Variants in SLIT3 observed in about 807,000 individuals in gnomAD.
SLIT3 encodes slit homolog 3 protein.
In SLIT3, 68 loss-of-function variants were observed where a neutral mutation model predicts 184.0. The observed-to-expected ratio is 0.37, with a 90% confidence interval of 0.30 to 0.45. The LOEUF (loss-of-function observed/expected upper bound fraction) is 0.45. Ranked by LOEUF, SLIT3 falls within the 20% of genes least tolerant of loss-of-function variation. SLIT3 has a pLI of 1.00. For missense variants in SLIT3, 1,707 were observed against 2,026.0 expected, an observed-to-expected ratio of 0.84 and a Z score of 3.02; for synonymous variants, 831 against 828.6, an observed-to-expected ratio of 1.00 and a Z score of -0.05.
At chr5:169,095,124 G>A (rs919606665) in intron 4 of SLIT3, among the ~76,000 whole-genome samples, 6 of 152,152 alleles carry the variant, frequency 3.9e-5, no homozygotes, top group South Asian at 4.1e-4. Context: ...CCTATTTCCC[G>A]TTTCTGCCAA....
chr5:168,781,065 T>C (rs776814786), intron 12 of SLIT3, among the ~76,000 whole-genome samples: 1 of 152,196 alleles, frequency 6.6e-6, no homozygotes, highest in African/African-American at 2.4e-5. Flanking sequence ...TGCTTGTCAA[T>C]GGCTGTGGGT....
intron 4 of SLIT3, among the ~76,000 whole-genome samples, chr5:169,035,270 G>A (rs1291536441): frequency 2.0e-5 from 3 of 152,142 alleles, no homozygotes; most frequent in African/African-American, 2.4e-5. Flanking sequence ...AATATTAACA[G>A]TAGTAGTAAG....
At chr5:168,773,731 T>C (rs1219354948) in intron 13 of SLIT3, among the ~76,000 whole-genome samples, 2 of 152,140 alleles carry the variant, frequency 1.3e-5, no homozygotes, top group Admixed American at 6.5e-5. Flanking sequence ...AGTGAGGATA[T>C]ACTTCCCATA....
At chr5:169,193,690 C>A in intron 3 of SLIT3, 140 bp from the exon 4 acceptor site, 1 of 731,372 alleles carries the variant, frequency 1.4e-6, no homozygotes, top group African/African-American at 1.7e-5. Context: ...GGCTGCTCAA[C>A]ACATGTAAGG....
rs975976077 is a variant in SLIT3, at chr5:168,931,435, G to A, written c.414-48099C>T. 3.9e-5 allele frequency among the ~76,000 whole-genome samples: 6 copies of A among 152,154 alleles called. No homozygotes were observed. In the East Asian group the frequency reaches 5.8e-4, roughly 15 times the overall value. Reference sequence around the variant, plus strand: ...GCAAGACACTGTGGGAGTATCTGGGGATTCAGGGGTGAGCAAAAGAGAGAC... The same window carrying A: ...GCAAGACACTGTGGGAGTATCTGGGAATTCAGGGGTGAGCAAAAGAGAGAC... On this transcript the variant is annotated intron_variant, in intron 4 of 35. Transcript: ENST00000519560.
In SLIT3 at chr5:168,663,048, G is replaced by A. The variant is rs1309560618; in HGVS notation, c.*3406C>T. ...AAGGGACAGACCTGGCCCTTTTGCTGTCTTGGTTGATGGGGGCTGGATTCA... is the reference window on the plus strand; with the variant it reads ...AAGGGACAGACCTGGCCCTTTTGCTATCTTGGTTGATGGGGGCTGGATTCA... On this transcript the variant is annotated 3_prime_UTR_variant, in exon 36 of 36. Coordinates refer to ENST00000519560, the MANE Select transcript of SLIT3 (RefSeq NM_003062.4). 1 of 152,390 alleles carries A rather than the reference G, an allele frequency of 6.6e-6. No homozygotes were observed. The highest frequency in any genetic ancestry group is 1.5e-5 in the Non-Finnish European group (1 of 68,076). The allele number at this position is 152,390 out of a possible 1,614,324, so 9.4% of individuals were successfully genotyped here. A position where few individuals can be genotyped will look rare whatever the true frequency, so the allele number is the denominator to read the frequency against.
chr5:169,084,454 A>ATTTTTTTTTTTTT (rs56062027), intron 4 of SLIT3, among the ~76,000 whole-genome samples: 18 of 101,416 alleles, frequency 1.8e-4, no homozygotes, highest in Admixed American at 3.2e-4. Context: ...CCATGCCCAG[A>ATTTTTTTTTTTTT]TTTTTTTTTT....
chr5:169,146,319 T>C (rs1761923325), intron 4 of SLIT3, among the ~76,000 whole-genome samples: 1 of 152,234 alleles, frequency 6.6e-6, no homozygotes. Context: ...CTGGTGATGT[T>C]GCAAAATAAT....
intron 19 of SLIT3, among the ~76,000 whole-genome samples, 154 bp from the exon 20 acceptor site, chr5:168,748,588 G>A (rs912715818): frequency 5.3e-5 from 8 of 152,234 alleles, no homozygotes; most frequent in Admixed American, 2.6e-4. Flanking sequence ...GGTCTCATCC[G>A]TGGTTGGCGG....
intron 4 of SLIT3, among the ~76,000 whole-genome samples, chr5:169,053,875 G>C (rs1479497881): frequency 6.6e-6 from 1 of 152,098 alleles, no homozygotes; most frequent in Non-Finnish European, 1.5e-5. Context: ...ATCACCTCAG[G>C]TCAGGAGTTT....
intron 3 of SLIT3, among the ~76,000 whole-genome samples, chr5:169,194,493 C>T (rs1763679315): frequency 6.6e-6 from 1 of 152,072 alleles, no homozygotes; most frequent in African/African-American, 2.4e-5. Flanking sequence ...CTGCTTTCTA[C>T]ATCAAATTTT....
chr5:168,873,317 C>G (rs1243886952), intron 5 of SLIT3, among the ~76,000 whole-genome samples: 1 of 152,082 alleles, frequency 6.6e-6, no homozygotes, highest in Non-Finnish European at 1.5e-5. Context: ...TCCTGCAAGA[C>G]TGTTGCAGTA....
intron 2 of SLIT3, among the ~76,000 whole-genome samples, chr5:169,248,809 C>G (rs1036232977): frequency 6.6e-6 from 1 of 152,092 alleles, no homozygotes; most frequent in South Asian, 2.1e-4. Flanking sequence ...CCAGAAGAGA[C>G]TTTTTCCTAC....
chr5:169,075,161 C>T (rs952877745), intron 4 of SLIT3, among the ~76,000 whole-genome samples: 1 of 151,720 alleles, frequency 6.6e-6, no homozygotes, highest in Admixed American at 6.6e-5. Flanking sequence ...TGATTGTCTT[C>T]TCCTTGTTCT....
intron 4 of SLIT3, among the ~76,000 whole-genome samples, chr5:169,094,139 G>A (rs1229333449): frequency 6.6e-6 from 1 of 152,178 alleles, no homozygotes; most frequent in Non-Finnish European, 1.5e-5. Flanking sequence ...GTTGGAGCCA[G>A]GATTTGAGTC....
chr5:169,036,101 G>A (rs575062015), intron 4 of SLIT3: 1 of 152,294 alleles, frequency 6.6e-6, no homozygotes, highest in South Asian at 2.1e-4. Flanking sequence ...TCTCATTTGA[G>A]TTGCAAAAAT....
At chr5:168,841,190 G>T (rs1293199574) in intron 6 of SLIT3, among the ~76,000 whole-genome samples, 1 of 152,206 alleles carries the variant, frequency 6.6e-6, no homozygotes, top group African/African-American at 2.4e-5. Flanking sequence ...TGGTAGAATG[G>T]TTAATCACAC....
intron 20 of SLIT3, among the ~76,000 whole-genome samples, chr5:168,735,661 TACACACACACACACACACACACACACAC>T (rs150528782): frequency 7.0e-6 from 1 of 142,072 alleles, no homozygotes; most frequent in African/African-American, 2.6e-5. Flanking sequence ...GACAGATAGA[TACACACACACACACACACACACACACAC>T]ACACACACAC....
intron 7 of SLIT3, among the ~76,000 whole-genome samples, chr5:168,819,872 G>T (rs1757466012): frequency 6.6e-6 from 1 of 152,080 alleles, no homozygotes; most frequent in South Asian, 2.1e-4. Flanking sequence ...AAGAGCACCA[G>T]AGGAAAGAGG....
Sources: gnomAD v4.1 joint callset for allele counts (sites outside exome capture counted in the v4.1 genomes callset) on GRCh38, gnomAD v4.1.1 for gene constraint, MANE v1.5 for transcripts, NCBI Gene and HGNC (gene_info 2026-07-23, HGNC 2026-07-21) for gene names.